The following SLC23A3 variants were observed in gnomAD, a reference collection of about 807,000 sequenced individuals.
SLC23A3 encodes E2-binding protein 3.
In SLC23A3, 41 loss-of-function variants were observed where a neutral mutation model predicts 64.7. The observed-to-expected ratio is 0.63, with a 90% CI of 0.49 to 0.82. SLC23A3 has a LOEUF of 0.82. Among genes scored for constraint, SLC23A3 ranks in the 40% least tolerant of loss-of-function variants. SLC23A3 has a pLI of 0.00. For synonymous variants in SLC23A3, 281 were observed against 306.8 expected (o/e 0.92, Z 0.88); for missense variants, 647 against 733.4 (o/e 0.88, Z 1.36).
intron 10 of SLC23A3, 107 bp downstream of exon 10, chr2:219,163,281 G>A: frequency 9.3e-7 from 1 of 1,078,630 alleles, no homozygotes; most frequent in Non-Finnish European, 1.4e-6. Context: ...AATGGATGAA[G>A]TATTTACACC....
At position 219,161,767 on chromosome 2, in the gene SLC23A3, A is replaced by G. The variant is rs1949944539; in HGVS notation, c.*142T>C. ...AAGACAAGGAAAGGCAACCCACCCT[A>G]TTGGGAAATGGAACCTCTAGACAGT... is the stretch of plus-strand genomic sequence containing the variant. On this transcript the variant is annotated 3_prime_UTR_variant, in exon 12 of 12. Coordinates refer to ENST00000409878, the MANE Select transcript of SLC23A3 (RefSeq NM_001144889.2). 4 of 863,856 alleles carry G rather than the reference A, an allele frequency of 4.6e-6. No homozygotes were observed. In the Admixed American group the frequency reaches 1.2e-4, roughly 25 times the overall value. 53.5% of individuals were successfully genotyped at this position (863,856 alleles called of 1,614,324 possible).
At chr2:219,162,832 A>C (rs750724855) in intron 10 of SLC23A3, among the ~76,000 whole-genome samples, 1 of 152,064 alleles carries the variant, frequency 6.6e-6, no homozygotes, top group Non-Finnish European at 1.5e-5. Flanking sequence ...GCATCTTTCT[A>C]TCCACTAAAC....
chr2:219,166,260 A>G (rs1008168386), intron 7 of SLC23A3, among the ~76,000 whole-genome samples: 2 of 152,148 alleles, frequency 1.3e-5, no homozygotes, highest in Admixed American at 6.5e-5. Context: ...CAGTAATGCA[A>G]TCATAGCTCA....
Position 219,165,156 on chromosome 2 carries a change from C to A in SLC23A3, c.1167+13G>T. ...GCTCCATCCTACCCCACTCCCATCC[C>A]AGGTCCACGTACCTGGATAAGACCC... On this transcript the variant is annotated intron_variant, in intron 8 of 11. Transcript: ENST00000409878. 1 of 1,551,290 alleles carries A rather than the reference C, an allele frequency of 6.4e-7. No individual in the cohort carries two copies. The highest frequency in any genetic ancestry group is 1.2e-5 in the South Asian group (1 of 84,014).
intron 5 of SLC23A3, 76 bp downstream of exon 5, chr2:219,168,576 C>T: frequency 1.4e-6 from 2 of 1,420,456 alleles, no homozygotes; most frequent in Non-Finnish European, 1.9e-6. Flanking sequence ...CTGATAGGAC[C>T]AGCAGTTCTG....
chr2:219,168,057 A>C lies in SLC23A3; in HGVS notation c.799-13T>G. On this transcript the variant is annotated splice_polypyrimidine_tract_variant and intron_variant, in intron 6 of 11. Transcript: ENST00000409878. ...CTGGGATCAGCACCTGAGGGGCGAG[A>C]CTGAGAAAAGAACTCCTCCCCCAGA... 6.4e-7 allele frequency: 1 copy of C among 1,569,534 alleles called. No individual in the cohort carries two copies. The highest frequency in any genetic ancestry group is 8.6e-7 in the Non-Finnish European group (1 of 1,161,812).
Position 219,169,532 on chromosome 2 carries a change from C to A in SLC23A3, c.309G>T (p.Trp103Cys). 1 of 1,614,126 alleles carries A rather than the reference C, an allele frequency of 6.2e-7. No individual in the cohort carries two copies. The highest frequency in any genetic ancestry group is 1.1e-5 in the South Asian group (1 of 91,082). The stretch of plus-strand genomic sequence containing the variant: ...GAGGTTCCTCTCACCTGCTGCCCAT[C>A]CAAGTTTGCAGGATGGTAGACATAC... Reference protein sequence around the residue: ...SCGMSTILQTWMGSRLPLVQA... With the variant: ...SCGMSTILQTCMGSRLPLVQA... The change falls in exon 2 of 12, where the codon TGG (tryptophan) becomes TGT (cysteine). Residue 103 changes from tryptophan to cysteine, a missense_variant. Transcript: ENST00000409878. The surrounding 1 kb of genome is among the most constrained non-coding windows in gnomAD (Gnocchi z 4.5).
At chr2:219,165,531 C>T in intron 7 of SLC23A3, 109 bp from the exon 8 acceptor site, 13 of 1,325,010 alleles carry the variant, frequency 9.8e-6, no homozygotes, top group Non-Finnish European at 1.3e-5. Flanking sequence ...TCTTTGAAGA[C>T]AATGTCTTGG....
rs773672484 is a variant in SLC23A3, at chr2:219,162,274, C to T, written c.1537+25G>A. On this transcript the variant is annotated intron_variant, in intron 11 of 11. Coordinates refer to ENST00000409878, the MANE Select transcript of SLC23A3 (RefSeq NM_001144889.2). ...GATGGCTTCCTGGCCACTCCCCAGT[C>T]TGCTAGGGCCTAGCCTCAACTTACC... is the stretch of plus-strand genomic sequence containing the variant. 1.8e-5 allele frequency: 29 copies of T among 1,613,658 alleles called. 1 individual carries two copies. The South Asian group carries it at 3.1e-4, about 17-fold the overall frequency.
intron 6 of SLC23A3, 28 bp from the exon 7 acceptor site, chr2:219,168,072 C>A: frequency 6.4e-7 from 1 of 1,563,518 alleles, no homozygotes; most frequent in Non-Finnish European, 8.6e-7. Context: ...GAAAAGAACT[C>A]CTCCCCCAGA....
At position 219,165,223 on chromosome 2, in the gene SLC23A3, G is replaced by A. The variant is rs1338517419; in HGVS notation, c.1113C>T (p.Ser371=). The A allele has an allele frequency of 2.6e-6, 4 of 1,551,630 alleles. No individual in the cohort carries two copies. The highest frequency in any genetic ancestry group is 3.9e-5 in the Admixed American group (2 of 50,982). The change falls in exon 8 of 12, where the codon AGC becomes AGT. Residue 371 remains serine (S), a synonymous_variant. Coordinates refer to ENST00000409878, the MANE Select transcript of SLC23A3 (RefSeq NM_001144889.2). ...GGAAGCTGGATGCAGTGCCCATGGG[G>A]CTTCCCAGCAGCCCGGCCAGCACAC... ...LGSVLAGLLG[S]PMGTASSFPN...
chr2:219,161,746 C>G lies in SLC23A3; in HGVS notation c.*163G>C. 1.6e-6 allele frequency: 1 copy of G among 643,934 alleles called. No homozygotes were observed. Among genetic ancestry groups the G allele is most frequent in the East Asian group, 2.8e-5 (1 of 35,716 alleles). The allele number at this position is 643,934 out of a possible 1,614,324, so 39.9% of individuals were successfully genotyped here. On this transcript the variant is annotated 3_prime_UTR_variant, in exon 12 of 12. Coordinates refer to ENST00000409878, the MANE Select transcript of SLC23A3 (RefSeq NM_001144889.2). ...CTGGAACAGTTAGGCCTAATTAAGA[C>G]AAGGAAAGGCAACCCACCCTATTGG...
Position 219,169,325 on chromosome 2 carries a change from G to A in SLC23A3, c.402C>T (p.Ile134=). ...TGTGCTCACAGTTTCCAGGTGTCTG[G>A]ATGGCCCGGGGTAGCTTCTGGCTGG... ...VLTSQKLPRA[I]QTPGNSSLML... is the part of the protein sequence containing the mutation. The change falls in exon 3 of 12, where the codon ATC becomes ATT. Residue 134 remains isoleucine (I), a synonymous_variant. Coordinates refer to ENST00000409878, the MANE Select transcript of SLC23A3 (RefSeq NM_001144889.2). The surrounding 1 kb of genome is among the most constrained non-coding windows in gnomAD (Gnocchi z 4.5). 1 of 1,614,210 alleles carries A rather than the reference G, an allele frequency of 6.2e-7. No homozygotes were observed. Among genetic ancestry groups the A allele is most frequent in the Non-Finnish European group, 8.5e-7 (1 of 1,180,040 alleles).
Position 219,161,670 on chromosome 2 carries a change from A to T in SLC23A3, c.*239T>A. On this transcript the variant is annotated 3_prime_UTR_variant, in exon 12 of 12. Transcript: ENST00000409878. ...CTGGGGTTCAAGTGGCATTGATAGT[A>T]CACAGGCAAAATCTCAATCATTCAT... The T allele has an allele frequency of 2.4e-6, 1 of 414,048 alleles. No individual in the cohort carries two copies. Among genetic ancestry groups the T allele is most frequent in the Non-Finnish European group, 4.3e-6 (1 of 232,808 alleles). The allele number at this position is 414,048 out of a possible 1,614,324, so 25.6% of individuals were successfully genotyped here. A position where few individuals can be genotyped will look rare whatever the true frequency, so the allele number is the denominator to read the frequency against.
intron 11 of SLC23A3, 42 bp from the exon 12 acceptor site, chr2:219,162,246 A>C: frequency 6.2e-7 from 1 of 1,613,046 alleles, no homozygotes; most frequent in South Asian, 1.1e-5. Flanking sequence ...CATCCCAGGG[A>C]GGGATGGCTT....
intron 7 of SLC23A3, among the ~76,000 whole-genome samples, chr2:219,167,728 A>G (rs1021787585): frequency 6.6e-6 from 1 of 152,150 alleles, no homozygotes; most frequent in Non-Finnish European, 1.5e-5. Flanking sequence ...TGACAGAGTG[A>G]GACCCTGTCT....
intron 8 of SLC23A3, chr2:219,164,821 C>A: frequency 3.3e-6 from 1 of 301,584 alleles, no homozygotes; most frequent in Non-Finnish European, 6.1e-6. Flanking sequence ...AGCCTCCCCA[C>A]GTGCTAGGAT....
rs1478976892 is a variant in SLC23A3 at position 219,162,346 on chromosome 2, A to T, written c.1490T>A (p.Ile497Asn). 2 of 1,613,976 alleles carry T rather than the reference A, an allele frequency of 1.2e-6. No homozygotes were observed. The highest frequency in any genetic ancestry group is 1.7e-6 in the Non-Finnish European group (2 of 1,180,016). Residue 497 changes from isoleucine (I) to asparagine (N), a missense_variant, in exon 11 of 12, where the codon ATC becomes AAC. By Grantham distance (149) the Ile-to-Asn change is moderately radical (BLOSUM62 -3). Transcript: ENST00000409878. ...GAAGCCTGAGAGTCCAGCCAGGAAG[A>T]TGGGCTGTGTCAGCAGTGAGTGCAG... ...VLLHSLLTQP[I>N]FLAGLSGFLL... is the part of the protein sequence containing the mutation.
chr2:219,166,308 A>C (rs1574759841), intron 7 of SLC23A3, among the ~76,000 whole-genome samples: 2 of 151,926 alleles, frequency 1.3e-5, no homozygotes, highest in African/African-American at 4.8e-5. Context: ...CGATCCTCCC[A>C]CCTTAGCCTC....
Sources: allele counts gnomAD v4.1 joint callset (sites outside exome capture counted in the v4.1 genomes callset), GRCh38; gene constraint gnomAD v4.1.1; non-coding constraint Gnocchi (gnomAD v3.1); transcripts MANE v1.5; gene names NCBI Gene and HGNC (gene_info 2026-07-23, HGNC 2026-07-21).